Variants in DLC1 observed in about 807,000 individuals in gnomAD.
DLC1 encodes the protein rho GTPase-activating protein 7.
Under a neutral mutation model 140.3 loss-of-function variants are expected in DLC1, and 54 were observed. The observed-to-expected ratio is 0.38, with a 90% CI of 0.31 to 0.48. The LOEUF (loss-of-function observed/expected upper bound fraction) is 0.48, where lower values mean the gene tolerates loss of function less well. Ranked by LOEUF, DLC1 falls within the 20% of genes least tolerant of loss-of-function variation. The pLI, the probability that DLC1 is intolerant of heterozygous loss-of-function variation, is 0.96. For synonymous variants in DLC1, 986 were observed against 728.1 expected, an observed-to-expected ratio of 1.35 and a Z score of -5.70; for missense variants, 2,536 against 1,907.0, an observed-to-expected ratio of 1.33 and a Z score of -6.14.
intron 1 of DLC1, among the ~76,000 whole-genome samples, chr8:13,524,503 G>A (rs933429705): frequency 1.3e-5 from 2 of 151,992 alleles, no homozygotes; most frequent in Non-Finnish European, 2.9e-5. Flanking sequence ...ATAGTCTATT[G>A]GTTACATGAT....
chr8:13,152,070 C>G (rs1254456799), intron 5 of DLC1, among the ~76,000 whole-genome samples: 1 of 152,168 alleles, frequency 6.6e-6, no homozygotes, highest in Non-Finnish European at 1.5e-5. Flanking sequence ...GTATGAACTT[C>G]CCCTCCATGT....
chr8:13,253,248 T>C (rs1184972200), intron 5 of DLC1, among the ~76,000 whole-genome samples: 4 of 152,226 alleles, frequency 2.6e-5, no homozygotes, highest in Non-Finnish European at 4.4e-5. Flanking sequence ...TAGACATAGA[T>C]CTAAAATGAG....
At chr8:13,285,416 A>C (rs575582649) in intron 5 of DLC1, among the ~76,000 whole-genome samples, 3 of 152,208 alleles carry the variant, frequency 2.0e-5, no homozygotes, top group Admixed American at 6.5e-5. Flanking sequence ...CATAGACCAC[A>C]GACCTAAATG....
intron 3 of DLC1, among the ~76,000 whole-genome samples, chr8:13,395,809 C>T (rs1282688296): frequency 2.0e-5 from 3 of 151,046 alleles, no homozygotes; most frequent in Non-Finnish European, 2.9e-5. Flanking sequence ...TTTCTGATGC[C>T]TGGAATGATT....
At chr8:13,209,081 G>A (rs571892830) in intron 5 of DLC1, among the ~76,000 whole-genome samples, 89 of 152,228 alleles carry the variant, frequency 5.8e-4, no homozygotes, top group African/African-American at 9.4e-4. Flanking sequence ...TCTAAAGCCC[G>A]TAGATGCCAG....
intron 5 of DLC1, among the ~76,000 whole-genome samples, chr8:13,134,382 G>C (rs1304956670): frequency 6.6e-6 from 1 of 152,108 alleles, no homozygotes; most frequent in Non-Finnish European, 1.5e-5. Flanking sequence ...ACAGAAGTGA[G>C]CAAAAGAGAC....
chr8:13,463,412 C>A (rs190115854), intron 2 of DLC1, among the ~76,000 whole-genome samples: 1 of 152,244 alleles, frequency 6.6e-6, no homozygotes, highest in Admixed American at 6.5e-5. Context: ...GGAGTACTTT[C>A]TTCAGGTCTG....
At chr8:13,536,180 C>A (rs192514009) in intron 1 of DLC1, 1 of 152,262 alleles carries the variant, frequency 6.6e-6, no homozygotes, top group Admixed American at 6.5e-5. Flanking sequence ...AGCTGTAGAT[C>A]ATAATGAATG....
At chr8:13,580,121 A>T (rs897383555) in intron 1 of DLC1, among the ~76,000 whole-genome samples, 5 of 150,588 alleles carry the variant, frequency 3.3e-5, no homozygotes, top group South Asian at 4.2e-4. Flanking sequence ...AGTTGGTTAC[A>T]TTTATTTTTT....
chr8:13,453,556 A>ATT (rs370075708), intron 2 of DLC1, among the ~76,000 whole-genome samples: 9 of 26,900 alleles, frequency 3.3e-4, no homozygotes, highest in Non-Finnish European at 5.3e-4. Flanking sequence ...ATATATATAT[A>ATT]TTTTTTTTTT....
At chr8:13,098,330 G>A (rs1229708180) in intron 10 of DLC1, 69 bp downstream of exon 10, 1 of 1,558,108 alleles carries the variant, frequency 6.4e-7, no homozygotes, top group African/African-American at 1.4e-5. Flanking sequence ...TTTACTGTGG[G>A]GACAACCTCA....
chr8:13,219,062 ACG>A (rs1828390812), intron 5 of DLC1, among the ~76,000 whole-genome samples: 1 of 92,048 alleles, frequency 1.1e-5, no homozygotes, highest in African/African-American at 5.1e-5. Context: ...GAATATAATT[ACG>A]TGAATATAAT....
In DLC1 at chr8:13,085,937, A is replaced by G; in HGVS notation, c.4467-6T>C. The stretch of plus-strand genomic sequence containing the variant: ...ACCATTCTGGCATGTGGCCCCTATC[A>G]GAGAAAAGAAAGAAAAGCTGATGAA... On this transcript the variant is annotated splice_polypyrimidine_tract_variant and splice_region_variant and intron_variant, in intron 17 of 17. Transcript: ENST00000276297. The G allele has an allele frequency of 1.2e-6, 2 of 1,611,484 alleles. No individual in the cohort carries two copies. The highest frequency in any genetic ancestry group is 2.7e-5 in the African/African-American group (2 of 74,814).
intron 2 of DLC1, among the ~76,000 whole-genome samples, chr8:13,462,073 T>G (rs1451125632): frequency 1.3e-5 from 2 of 152,268 alleles, no homozygotes; most frequent in East Asian, 1.9e-4. Flanking sequence ...ATAGGAATAG[T>G]AGGGGCAGAA....
At chr8:13,194,981 G>A (rs1274530403) in intron 5 of DLC1, among the ~76,000 whole-genome samples, 1 of 152,198 alleles carries the variant, frequency 6.6e-6, no homozygotes, top group Non-Finnish European at 1.5e-5. Context: ...CTGCACTCCA[G>A]TGTGGGTGAC....
chr8:13,500,454 A>G (rs1348817706), intron 1 of DLC1, among the ~76,000 whole-genome samples: 1 of 152,246 alleles, frequency 6.6e-6, no homozygotes, highest in Non-Finnish European at 1.5e-5. Flanking sequence ...TTAATGAATA[A>G]AGATACAAAT....
In DLC1 at chr8:13,086,346, A is replaced by C. The variant is rs200993763; in HGVS notation, c.4410T>G (p.Ile1470Met). The stretch of plus-strand genomic sequence containing the variant: ...TGGATTTTCCTGGCCCACAGGGTTC[A>C]ATCAAATACCTGGACAAGAGCACAT... ...RVNVLLSRYL[I>M]EPCGPGKSKL... Residue 1470 changes from isoleucine (I) to methionine (M), a missense_variant, in exon 17 of 18, where the codon ATT becomes ATG. By Grantham distance (10) the Ile-to-Met change is conservative. Coordinates refer to ENST00000276297, the MANE Select transcript of DLC1 (RefSeq NM_182643.3). The C allele has an allele frequency of 6.8e-5, 109 of 1,614,124 alleles. No individual in the cohort carries two copies. The highest frequency in any genetic ancestry group is 1.1e-5 in the Non-Finnish European group (13 of 1,180,054).
intron 5 of DLC1, among the ~76,000 whole-genome samples, chr8:13,125,097 C>T (rs897802602): frequency 1.3e-5 from 2 of 152,112 alleles, no homozygotes; most frequent in Non-Finnish European, 2.9e-5. Flanking sequence ...CTTCCTCACC[C>T]TTCCAAGTAG....
intron 5 of DLC1, among the ~76,000 whole-genome samples, chr8:13,120,356 A>AAAAAAAAAAGATATATATATATAT: frequency 1.6e-5 from 1 of 61,124 alleles, no homozygotes; most frequent in Non-Finnish European, 3.8e-5. Flanking sequence ...AAAAAAAAAA[A>AAAAAAAAAAGATATATATATATAT]ATATATATAT....
Sources: allele counts gnomAD v4.1 joint callset (sites outside exome capture counted in the v4.1 genomes callset), GRCh38; gene constraint gnomAD v4.1.1; transcripts MANE v1.5; gene names NCBI Gene and HGNC (gene_info 2026-07-23, HGNC 2026-07-21).